Variants in BOC observed in about 807,000 individuals in gnomAD.
BOC encodes the protein brother of CDO.
BOC carries 76 observed loss-of-function variants against 112.0 expected under a neutral mutation model. The ratio of observed to expected loss-of-function variants is 0.68; its 90% CI spans 0.56 to 0.82. The LOEUF is 0.82. Among genes scored for constraint, BOC ranks in the 40% least tolerant of loss-of-function variants. The pLI is 0.00. For missense variants in BOC, 1,309 were observed against 1,511.7 expected, an observed-to-expected ratio of 0.87 and a Z score of 2.22; for synonymous variants, 580 against 599.8, an observed-to-expected ratio of 0.97 and a Z score of 0.48.
intron 6 of BOC, chr3:113,271,235 G>A (rs772715123): frequency 6.8e-6 from 4 of 588,986 alleles, no homozygotes; most frequent in South Asian, 1.5e-5. Context: ...GTCAGAATGT[G>A]TGTGCTGGGA....
chr3:113,234,328 C>T (rs1943122514), intron 2 of BOC, among the ~76,000 whole-genome samples: 1 of 152,098 alleles, frequency 6.6e-6, no homozygotes, highest in South Asian at 2.1e-4. Context: ...AACTGACCTT[C>T]CCATGTACTG....
At chr3:113,230,324 C>G (rs1159364226) in intron 2 of BOC, among the ~76,000 whole-genome samples, 1 of 152,190 alleles carries the variant, frequency 6.6e-6, no homozygotes, top group African/African-American at 2.4e-5. Flanking sequence ...TCTGCCAAAC[C>G]AATCCATCCT....
At chr3:113,217,210 T>C (rs1163758612) in intron 2 of BOC, among the ~76,000 whole-genome samples, 2 of 152,148 alleles carry the variant, frequency 1.3e-5, no homozygotes, top group East Asian at 1.9e-4. Context: ...GTGCTTGGAA[T>C]GGGTCCGTTA....
intron 4 of BOC, 45 bp downstream of exon 4, chr3:113,250,878 C>T: frequency 6.2e-7 from 1 of 1,603,908 alleles, no homozygotes. Flanking sequence ...GGTCCCTCCT[C>T]ATCTCTCCCA....
At chr3:113,272,251 C>T in intron 6 of BOC, 159 bp from the exon 7 acceptor site, 1 of 750,994 alleles carries the variant, frequency 1.3e-6, no homozygotes, top group South Asian at 1.7e-5. Context: ...ACACCAAGCC[C>T]CAAGGGAATT....
intron 6 of BOC, 34 bp downstream of exon 6, chr3:113,270,978 G>GA (rs752109162): frequency 7.1e-5 from 114 of 1,613,522 alleles, no homozygotes; most frequent in Admixed American, 3.5e-4. Flanking sequence ...GGGGATGGGG[G>GA]ATCACTGATG....
chr3:113,262,985 G>C (rs1279621563), intron 4 of BOC, among the ~76,000 whole-genome samples: 46 of 152,218 alleles, frequency 3.0e-4, no homozygotes, highest in Admixed American at 3.0e-3. Flanking sequence ...TACTTCTCCT[G>C]CACCTCGGGT....
chr3:113,212,829 C>G (rs1219767099), intron 1 of BOC: 5 of 152,328 alleles, frequency 3.3e-5, no homozygotes, highest in Admixed American at 3.3e-4. Flanking sequence ...AAATGAATCT[C>G]TGGAACCAGT....
chr3:113,220,230 G>A (rs538916838), intron 2 of BOC, among the ~76,000 whole-genome samples: 128 of 152,268 alleles, frequency 8.4e-4, no homozygotes, highest in Non-Finnish European at 1.5e-3. Flanking sequence ...GAACAGTAAC[G>A]CAGACCTCTC....
At chr3:113,262,652 G>C (rs1203855638) in intron 4 of BOC, among the ~76,000 whole-genome samples, 1 of 152,190 alleles carries the variant, frequency 6.6e-6, no homozygotes, top group Non-Finnish European at 1.5e-5. Context: ...AGCACAATGA[G>C]GCTCCAGCCT....
At chr3:113,215,214 G>A (rs1939122067) in intron 1 of BOC, among the ~76,000 whole-genome samples, 1 of 152,184 alleles carries the variant, frequency 6.6e-6, no homozygotes, top group Non-Finnish European at 1.5e-5. Context: ...GGATGGGAGA[G>A]GGTGTTTGTT....
At chr3:113,277,500 G>A (rs928823660) in intron 9 of BOC, among the ~76,000 whole-genome samples, 5 of 152,182 alleles carry the variant, frequency 3.3e-5, no homozygotes, top group African/African-American at 1.2e-4. Context: ...GTGGCCTTGA[G>A]CAAATTGCTC....
Position 113,278,200 on chromosome 3 carries a change from A to G in BOC, c.1648A>G (p.Met550Val). 2 of 1,614,154 alleles carry G rather than the reference A, an allele frequency of 1.2e-6. No individual in the cohort carries two copies. Among genetic ancestry groups the G allele is most frequent in the South Asian group, 1.1e-5 (1 of 91,072 alleles). Residue 550 changes from methionine (M) to valine (V), a missense_variant, in exon 10 of 20, where the codon ATG (methionine) becomes GTG (valine). Met to Val is a conservative substitution (Grantham distance 21). Transcript: ENST00000682979. The surrounding 1 kb of genome is among the most constrained non-coding windows in gnomAD (Gnocchi z 4.2). ...CCCCGGGAGCTTGTATGAAGTGGAG[A>G]TGGCAGCTTACAACTGTGCGGGAGA... ...LDPGSLYEVE[M>V]AAYNCAGEGQ...
intron 4 of BOC, chr3:113,251,317 A>C (rs986989393): frequency 5.1e-6 from 1 of 197,068 alleles, no homozygotes; most frequent in Non-Finnish European, 1.0e-5. Context: ...CCCAGCCCAG[A>C]CTTGGCCTCC....
intron 2 of BOC, among the ~76,000 whole-genome samples, chr3:113,232,708 A>G (rs1159194586): frequency 1.3e-5 from 2 of 152,156 alleles, no homozygotes; most frequent in Non-Finnish European, 2.9e-5. Flanking sequence ...CTTCTTAAAT[A>G]TTTTTTGTGA....
At position 113,280,565 on chromosome 3, in the gene BOC, C is replaced by A; in HGVS notation, c.2213C>A (p.Pro738Gln). The A allele has an allele frequency of 6.2e-7, 1 of 1,606,090 alleles. No individual in the cohort carries two copies. Among genetic ancestry groups the A allele is most frequent in the African/African-American group, 1.3e-5 (1 of 74,866 alleles). The change falls in exon 14 of 20, where the codon CCA (proline) becomes CAA (glutamine). Residue 738 changes from proline (P) to glutamine (Q), a missense_variant. Pro to Gln is a moderately conservative substitution (Grantham distance 76). Transcript: ENST00000682979. ...CTTCTCCATTCCCTATAGTACATCC[C>A]AGCAAGTAACAACAACACCCCAATC... ...TTIMLKWMYIPASNNNTPIHG... is the reference protein window; with the variant it reads ...TTIMLKWMYIQASNNNTPIHG...
At chr3:113,277,912 G>A (rs565119578) in intron 9 of BOC, among the ~76,000 whole-genome samples, 183 bp from the exon 10 acceptor site, 1 of 152,370 alleles carries the variant, frequency 6.6e-6, no homozygotes, top group East Asian at 1.9e-4. Context: ...GAATGTCCCA[G>A]TGAGGTTGGT....
chr3:113,272,157 A>G, intron 6 of BOC: 2 of 567,938 alleles, frequency 3.5e-6, no homozygotes, highest in Middle Eastern at 4.7e-4. Context: ...TGCATATGTT[A>G]TGTTGATGCT....
At chr3:113,260,231 A>G (rs1946671042) in intron 4 of BOC, among the ~76,000 whole-genome samples, 1 of 152,218 alleles carries the variant, frequency 6.6e-6, no homozygotes, top group Non-Finnish European at 1.5e-5. Flanking sequence ...CTAGAAGATG[A>G]AAAAGGGCAT....
Sources: gnomAD v4.1 joint callset for allele counts (sites outside exome capture counted in the v4.1 genomes callset) on GRCh38, gnomAD v4.1.1 for gene constraint, Gnocchi (gnomAD v3.1) non-coding constraint, MANE v1.5 for transcripts, NCBI Gene and HGNC (gene_info 2026-07-23, HGNC 2026-07-21) for gene names.